Variants in IGF2R observed in about 807,000 individuals in gnomAD.
The protein encoded by IGF2R is cation-independent mannose-6-phosphate receptor.
In IGF2R, 91 loss-of-function variants were observed where a neutral mutation model predicts 270.6. That is an observed-to-expected ratio of 0.34 (90% CI 0.28 to 0.40). The LOEUF is 0.40. Ranked by LOEUF, IGF2R falls within the 10% of genes least tolerant of loss-of-function variation. The pLI is 1.00. For missense variants in IGF2R, 2,805 were observed against 3,188.3 expected, an observed-to-expected ratio of 0.88 and a Z score of 2.90; for synonymous variants, 1,316 against 1,258.9, an observed-to-expected ratio of 1.05 and a Z score of -0.96.
chr6:159,972,542 C>T lies in IGF2R; in HGVS notation c.149+3147C>T, dbSNP rs189437758. The stretch of plus-strand genomic sequence containing the variant: ...ATTTCCAGGAAAACTACCTCTCCTC[C>T]CAAGCCCAGCTCTCTAGAACCTAGA... On this transcript the variant is annotated intron_variant, in intron 1 of 47. Transcript: ENST00000356956. 1.3e-3 allele frequency among the ~76,000 whole-genome samples: 198 copies of T among 152,256 alleles called. 1 individual carries two copies. The highest frequency in any genetic ancestry group is 5.0e-3 in the South Asian group (24 of 4,826).
Position 160,062,533 on chromosome 6 carries a change from G to A in IGF2R, c.3584G>A (p.Gly1195Asp). 6.2e-7 allele frequency: 1 copy of A among 1,609,896 alleles called. No individual in the cohort carries two copies. The highest frequency in any genetic ancestry group is 1.7e-5 in the Admixed American group (1 of 59,934). ...RITFECAQIS[G>D]SPAFQLQDGC... ...TCAGGCTGCTGATTTATATTACAGG[G>A]CTCACCAGCATTTCAGCTTCAGGAT... is the stretch of plus-strand genomic sequence containing the variant. Residue 1195 changes from glycine to aspartate, a missense_variant and splice_region_variant, in exon 26 of 48, where the codon GGC (glycine) becomes GAC (aspartate). Transcript: ENST00000356956.
At chr6:160,047,974 G>C in intron 17 of IGF2R, 67 bp downstream of exon 17, 1 of 1,055,718 alleles carries the variant, frequency 9.5e-7, no homozygotes, top group Non-Finnish European at 1.5e-6. Context: ...TGTTGCTGGT[G>C]AGCGTGTGAC....
chr6:160,018,912 A>G (rs149203624), intron 4 of IGF2R, among the ~76,000 whole-genome samples: 1 of 152,178 alleles, frequency 6.6e-6, no homozygotes, highest in African/African-American at 2.4e-5. Context: ...GAACTAGAAA[A>G]AAAAGAAAAA....
At chr6:159,971,989 A>G (rs1783615970) in intron 1 of IGF2R, among the ~76,000 whole-genome samples, 1 of 152,144 alleles carries the variant, frequency 6.6e-6, no homozygotes, top group African/African-American at 2.4e-5. Context: ...ACCTCTCCTT[A>G]AATACTTTTT....
intron 2 of IGF2R, among the ~76,000 whole-genome samples, chr6:159,993,822 G>A (rs1384418520): frequency 6.6e-6 from 1 of 151,884 alleles, no homozygotes; most frequent in Non-Finnish European, 1.5e-5. Context: ...GGGCATTATG[G>A]TCATGTTAAC....
intron 45 of IGF2R, 37 bp downstream of exon 45, chr6:160,096,662 C>T (rs370712787): frequency 1.3e-5 from 20 of 1,502,166 alleles, no homozygotes; most frequent in Middle Eastern, 1.7e-4. Flanking sequence ...ACTTGTACCC[C>T]ACATCTTCCC....
chr6:160,010,060 C>G lies in IGF2R; in HGVS notation c.415-627C>G, dbSNP rs183126453. On this transcript the variant is annotated intron_variant, in intron 3 of 47. Coordinates refer to ENST00000356956, the MANE Select transcript of IGF2R (RefSeq NM_000876.4). ...ATAAAATATATAGCTCCTGTTTTAA[C>G]TTCAGCTAATTTCCTTTATGAATTC... Among the ~76,000 whole-genome samples the G allele has an allele frequency of 3.3e-5, 5 of 152,324 alleles. No homozygotes were observed. In the East Asian group the frequency reaches 9.6e-4, roughly 29 times the overall value.
chr6:160,080,012 G>T, intron 38 of IGF2R, 117 bp from the exon 39 acceptor site: 1 of 1,272,078 alleles, frequency 7.9e-7, no homozygotes, highest in Non-Finnish European at 1.1e-6. Flanking sequence ...GTGAATGCCG[G>T]TTGTCACGTA....
chr6:160,053,202 T>C (rs1205003784), intron 19 of IGF2R, among the ~76,000 whole-genome samples: 1 of 151,970 alleles, frequency 6.6e-6, no homozygotes, highest in South Asian at 2.1e-4. Flanking sequence ...TTCTCACTTA[T>C]AGGTGGGAAT....
At chr6:160,070,481 G>C (rs997868754) in intron 31 of IGF2R, among the ~76,000 whole-genome samples, 6 of 152,172 alleles carry the variant, frequency 3.9e-5, no homozygotes, top group Non-Finnish European at 7.3e-5. Context: ...CTGCTCAGCC[G>C]TTCATAACAT....
At chr6:160,048,114 C>T (rs1778110740) in intron 17 of IGF2R, among the ~76,000 whole-genome samples, 1 of 152,218 alleles carries the variant, frequency 6.6e-6, no homozygotes, top group Non-Finnish European at 1.5e-5. Flanking sequence ...ACAGCAGAGC[C>T]TCGGCCTTTA....
intron 4 of IGF2R, among the ~76,000 whole-genome samples, chr6:160,023,851 T>C (rs1777492604): frequency 6.6e-6 from 1 of 151,992 alleles, no homozygotes; most frequent in South Asian, 2.1e-4. Flanking sequence ...AGAGGGCTGC[T>C]CAGTAAGCTG....
chr6:160,020,113 GA>G (rs929545513), intron 4 of IGF2R, among the ~76,000 whole-genome samples: 2 of 151,872 alleles, frequency 1.3e-5, no homozygotes, highest in African/African-American at 4.8e-5. Flanking sequence ...GTAGTTTCAG[GA>G]TACAGAGTCA....
chr6:160,094,979 G>C (rs1289138112), intron 44 of IGF2R: 1 of 151,068 alleles, frequency 6.6e-6, no homozygotes, highest in Non-Finnish European at 1.5e-5. Context: ...TCGGGAGTAT[G>C]AGATCATCCT....
intron 3 of IGF2R, among the ~76,000 whole-genome samples, chr6:160,009,691 T>G (rs1457776821): frequency 3.9e-5 from 6 of 152,220 alleles, no homozygotes; most frequent in Non-Finnish European, 5.9e-5. Flanking sequence ...ATTTTAATCT[T>G]TAGTTTTTGG....
At chr6:160,092,401 G>A (rs1161326564) in intron 44 of IGF2R, among the ~76,000 whole-genome samples, 2 of 152,244 alleles carry the variant, frequency 1.3e-5, no homozygotes, top group Non-Finnish European at 2.9e-5. Context: ...AGACCTCCAC[G>A]TTCACAAGTG....
intron 13 of IGF2R, among the ~76,000 whole-genome samples, 153 bp downstream of exon 13, chr6:160,044,810 T>C (rs1778033110): frequency 1.3e-5 from 2 of 152,190 alleles, no homozygotes; most frequent in South Asian, 4.1e-4. Context: ...CGATGGGAGA[T>C]AGGTCATTTG....
rs147906360 is a variant in IGF2R, at chr6:160,069,362, C to A, written c.4253-506C>A. Among the ~76,000 whole-genome samples the A allele has an allele frequency of 5.2e-4, 79 of 152,232 alleles. 1 individual carries two copies. In the East Asian group the frequency reaches 0.014, roughly 27 times the overall value. On this transcript the variant is annotated intron_variant, in intron 30 of 47. Transcript: ENST00000356956. The stretch of plus-strand genomic sequence containing the variant: ...GTTCCATCCTCTGTGTGGTTTGAGG[C>A]TGTGGTTCCACTTCCCCTTGCTGCG...
At chr6:159,984,776 C>T (rs189724628) in intron 1 of IGF2R, among the ~76,000 whole-genome samples, 200 of 152,300 alleles carry the variant, frequency 1.3e-3, no homozygotes, top group African/African-American at 4.6e-3. Context: ...CCAGTCCCCC[C>T]ATCAGCAGTT....
Sources: gnomAD v4.1 joint callset for allele counts (sites outside exome capture counted in the v4.1 genomes callset) on GRCh38, gnomAD v4.1.1 for gene constraint, MANE v1.5 for transcripts, NCBI Gene and HGNC (gene_info 2026-07-23, HGNC 2026-07-21) for gene names.